The following PHIP variants were observed in gnomAD, a reference collection of about 807,000 sequenced individuals.
PHIP encodes the protein PHIP subunit of CUL4-Ring ligase complex, also known as PH-interacting protein.
PHIP carries 54 observed loss-of-function variants against 236.8 expected under a neutral mutation model. That is an observed-to-expected ratio of 0.23 (90% confidence interval 0.18 to 0.29). The LOEUF (loss-of-function observed/expected upper bound fraction) is 0.29. PHIP is among the 10% of genes least tolerant of loss of function. The pLI is 1.00. For synonymous variants in PHIP, 756 were observed against 718.9 expected, an observed-to-expected ratio of 1.05 and a Z score of -0.83; for missense variants, 1,370 against 2,190.8, an observed-to-expected ratio of 0.63 and a Z score of 7.48.
intron 23 of PHIP, among the ~76,000 whole-genome samples, chr6:78,979,172 C>G (rs575456358): frequency 6.6e-6 from 1 of 152,184 alleles, no homozygotes; most frequent in South Asian, 2.1e-4. Context: ...TGAGAGATGA[C>G]TATCCTTTAA....
intron 17 of PHIP, 118 bp downstream of exon 17, chr6:79,001,781 A>G (rs1418343872): frequency 9.1e-6 from 6 of 657,168 alleles, no homozygotes; most frequent in Non-Finnish European, 1.3e-5. Context: ...TAAAAGTATA[A>G]AACATACTTT....
At chr6:78,999,986 C>A (rs991203385) in intron 17 of PHIP, among the ~76,000 whole-genome samples, 3 of 151,782 alleles carry the variant, frequency 2.0e-5, no homozygotes, top group Non-Finnish European at 4.4e-5. Context: ...CTGAAAAAAA[C>A]ACATTTAAAG....
chr6:78,984,223 A>T (rs1768725757), intron 22 of PHIP, among the ~76,000 whole-genome samples: 2 of 152,210 alleles, frequency 1.3e-5, no homozygotes, highest in Non-Finnish European at 2.9e-5. Context: ...TAAGAATCAA[A>T]TAATTAAGAT....
intron 20 of PHIP, among the ~76,000 whole-genome samples, chr6:78,989,050 T>C (rs1170829661): frequency 6.6e-6 from 1 of 152,006 alleles, no homozygotes; most frequent in African/African-American, 2.4e-5. Context: ...AACACAGTGA[T>C]GAAGACAAAC....
intron 6 of PHIP, among the ~76,000 whole-genome samples, chr6:79,052,509 A>G (rs1772844431): frequency 6.6e-6 from 1 of 152,188 alleles, no homozygotes; most frequent in Non-Finnish European, 1.5e-5. Flanking sequence ...TTTGGGGGAG[A>G]AAAGAATGGA....
intron 14 of PHIP, 39 bp downstream of exon 14, chr6:79,015,591 C>T: frequency 7.0e-7 from 1 of 1,430,064 alleles, no homozygotes; most frequent in Non-Finnish European, 9.7e-7. Flanking sequence ...CTATAGTCAG[C>T]TTCAGTTATA....
intron 6 of PHIP, among the ~76,000 whole-genome samples, chr6:79,045,068 T>A (rs573119747): frequency 6.6e-6 from 1 of 152,324 alleles, no homozygotes; most frequent in Non-Finnish European, 1.5e-5. Context: ...TATTCCACAC[T>A]ACCCTTTGTA....
intron 35 of PHIP, among the ~76,000 whole-genome samples, chr6:78,952,348 G>C (rs1476112911): frequency 6.6e-6 from 1 of 150,608 alleles, no homozygotes; most frequent in Non-Finnish European, 1.5e-5. Flanking sequence ...GAATCCAGGA[G>C]GCAGAGTTTG....
chr6:79,077,504 G>A lies in PHIP; in HGVS notation c.133C>T (p.Leu45=), dbSNP rs1158392064. 4 of 1,550,240 alleles carry A rather than the reference G, an allele frequency of 2.6e-6. No individual in the cohort carries two copies. The highest frequency in any genetic ancestry group is 3.7e-5 in the Admixed American group (2 of 53,616). Residue 45 remains leucine (L), a synonymous_variant, in exon 4 of 40, where the codon CTG becomes TTG. Transcript: ENST00000275034. ...CCGGTCCAGTCGGTGCGCCGGGGCA[G>A]CAGCTGCGGGGAGAGGACACCCCGT... ...LIREVAEKEL[L]PRRTDWTGKE... is the part of the protein sequence containing the mutation.
At chr6:79,004,111 T>C (rs181062920) in intron 15 of PHIP, among the ~76,000 whole-genome samples, 11 of 152,186 alleles carry the variant, frequency 7.2e-5, no homozygotes, top group East Asian at 3.9e-4. Flanking sequence ...CCCCCACCCA[T>C]AGAATTCTGC....
rs115507065 is a variant in PHIP, at chr6:78,986,957, C to A, written c.2460+1252G>T. 4.3e-3 allele frequency among the ~76,000 whole-genome samples: 655 copies of A among 152,140 alleles called. 1 individual carries two copies. Among genetic ancestry groups the A allele is most frequent in the African/African-American group, 0.014 (595 of 41,544 alleles). On this transcript the variant is annotated intron_variant, in intron 21 of 39. Transcript: ENST00000275034. ...GGGGGAAAAAGAAACAGAATTATTCCTACATTCCAAATACAAAATACTAAA... is the reference window on the plus strand; with the variant it reads ...GGGGGAAAAAGAAACAGAATTATTCATACATTCCAAATACAAAATACTAAA...
chr6:79,036,692 C>A (rs1467357924), intron 7 of PHIP, among the ~76,000 whole-genome samples: 1 of 151,900 alleles, frequency 6.6e-6, no homozygotes, highest in Non-Finnish European at 1.5e-5. Flanking sequence ...GAGGCCGAGG[C>A]GGGTAGATCA....
chr6:79,030,795 A>C (rs1001957726), intron 7 of PHIP, among the ~76,000 whole-genome samples: 1 of 152,114 alleles, frequency 6.6e-6, no homozygotes, highest in Admixed American at 6.5e-5. Flanking sequence ...AACTATGAAC[A>C]GGTTTTAAGA....
At chr6:78,988,418 A>C (rs1769003188) in intron 20 of PHIP, 69 bp from the exon 21 acceptor site, 1 of 1,196,984 alleles carries the variant, frequency 8.4e-7, no homozygotes, top group South Asian at 1.7e-5. Flanking sequence ...TAAAAGTTAA[A>C]ATTTTTTAAT....
intron 39 of PHIP, among the ~76,000 whole-genome samples, chr6:78,942,888 A>C (rs1773575514): frequency 2.0e-5 from 3 of 152,214 alleles, no homozygotes; most frequent in Non-Finnish European, 4.4e-5. Flanking sequence ...AGCAATATAT[A>C]ATGTAAAAAG....
At chr6:79,012,878 GA>G (rs1181198245) in intron 15 of PHIP, among the ~76,000 whole-genome samples, 2 of 151,158 alleles carry the variant, frequency 1.3e-5, no homozygotes, top group Non-Finnish European at 3.0e-5. Flanking sequence ...AGACAGACAG[GA>G]AAAAAAATCA....
intron 31 of PHIP, among the ~76,000 whole-genome samples, chr6:78,959,158 C>CTAAAATAAAAT (rs1766604792): frequency 6.6e-6 from 1 of 151,938 alleles, no homozygotes. Flanking sequence ...ATTGACAATG[C>CTAAAATAAAAT]TAAAATAAAA....
intron 24 of PHIP, among the ~76,000 whole-genome samples, chr6:78,972,615 A>C (rs1442462495): frequency 6.6e-6 from 1 of 152,172 alleles, no homozygotes; most frequent in Non-Finnish European, 1.5e-5. Context: ...AAGGCAAAGA[A>C]GTTGAAAACT....
intron 6 of PHIP, among the ~76,000 whole-genome samples, chr6:79,046,994 T>C (rs1772526473): frequency 6.6e-6 from 1 of 151,924 alleles, no homozygotes; most frequent in East Asian, 1.9e-4. Flanking sequence ...CCCTGCTAAA[T>C]GAATTTAATT....
Sources: allele counts gnomAD v4.1 joint callset (sites outside exome capture counted in the v4.1 genomes callset), GRCh38; gene constraint gnomAD v4.1.1; transcripts MANE v1.5; gene names NCBI Gene and HGNC (gene_info 2026-07-23, HGNC 2026-07-21).